PCDH15: variants seen among roughly 807,000 people sequenced by gnomAD.
PCDH15 encodes protocadherin-15.
In PCDH15, 129 loss-of-function variants were observed where a neutral mutation model predicts 178.5. The ratio of observed to expected loss-of-function variants is 0.72; its 90% CI spans 0.63 to 0.84. PCDH15 has a LOEUF of 0.84. Among genes scored for constraint, PCDH15 ranks in the 40% least tolerant of loss-of-function variants. PCDH15 has a pLI of 0.00. For missense variants in PCDH15, 2,230 were observed against 2,099.9 expected, an observed-to-expected ratio of 1.06 and a Z score of -1.21; for synonymous variants, 800 against 732.0, an observed-to-expected ratio of 1.09 and a Z score of -1.50.
intron 18 of PCDH15, among the ~76,000 whole-genome samples, chr10:54,056,024 A>C (rs976975584): frequency 5.3e-5 from 8 of 152,214 alleles, no homozygotes; most frequent in Admixed American, 1.3e-4. Context: ...ATTAGCATAA[A>C]TTATTCCCAG....
At chr10:55,283,896 G>A (rs757719756) in intron 1 of PCDH15, among the ~76,000 whole-genome samples, 3 of 151,788 alleles carry the variant, frequency 2.0e-5, no homozygotes, top group African/African-American at 7.3e-5. Flanking sequence ...AGTTGTTATA[G>A]CTGTCATCAT....
chr10:54,082,738 G>A (rs1031766260), intron 16 of PCDH15, among the ~76,000 whole-genome samples: 1 of 144,328 alleles, frequency 6.9e-6, no homozygotes, highest in Non-Finnish European at 1.5e-5. Flanking sequence ...GGAAAAAATA[G>A]ATATACTGAA....
intron 18 of PCDH15, among the ~76,000 whole-genome samples, chr10:54,039,818 T>C (rs1194685813): frequency 6.6e-6 from 1 of 152,008 alleles, no homozygotes; most frequent in African/African-American, 2.4e-5. Flanking sequence ...CTGGCATTTC[T>C]ACATCCCTCT....
intron 3 of PCDH15, among the ~76,000 whole-genome samples, chr10:54,466,804 T>C (rs1331841643): frequency 1.3e-5 from 2 of 152,024 alleles, no homozygotes; most frequent in African/African-American, 4.8e-5. Flanking sequence ...GCATGGAATC[T>C]TTCCATTTGT....
chr10:54,972,548 T>C (rs771781489), intron 2 of PCDH15, among the ~76,000 whole-genome samples: 2 of 144,570 alleles, frequency 1.4e-5, no homozygotes, highest in African/African-American at 2.6e-5. Flanking sequence ...CTCAAAAAGA[T>C]TAAAAAAAGA....
chr10:53,868,905 G>A lies in PCDH15; in HGVS notation c.3502-2048C>T, dbSNP rs145336052. On this transcript the variant is annotated intron_variant, in intron 26 of 37. Coordinates refer to ENST00000644397, the MANE Select transcript of PCDH15 (RefSeq NM_001384140.1). The stretch of plus-strand genomic sequence containing the variant: ...CATAAACTCGGCTCACTGAACCTTA[G>A]TCTCCCAGGTTCAAGCTAGCCTCAC... Among the ~76,000 whole-genome samples, 884 of 152,150 alleles carry A rather than the reference G, an allele frequency of 5.8e-3. 4 individuals are homozygous for A. Among genetic ancestry groups the A allele is most frequent in the South Asian group, 0.016 (77 of 4,822 alleles).
At chr10:55,292,245 A>C (rs989968799) in intron 1 of PCDH15, among the ~76,000 whole-genome samples, 1 of 152,236 alleles carries the variant, frequency 6.6e-6, no homozygotes, top group Non-Finnish European at 1.5e-5. Flanking sequence ...TCCTAGATAC[A>C]ATGAGGTAAC....
chr10:55,258,314 G>A (rs1251011369), intron 1 of PCDH15, among the ~76,000 whole-genome samples: 1 of 152,238 alleles, frequency 6.6e-6, no homozygotes, highest in South Asian at 2.1e-4. Flanking sequence ...ACTAGAACTA[G>A]GTAAGTATTA....
At chr10:54,567,956 T>C (rs2089282002) in intron 2 of PCDH15, among the ~76,000 whole-genome samples, 1 of 152,156 alleles carries the variant, frequency 6.6e-6, no homozygotes, top group African/African-American at 2.4e-5. Context: ...TTCAATCTTG[T>C]AAAAATTATT....
intron 2 of PCDH15, among the ~76,000 whole-genome samples, chr10:54,531,020 A>G (rs1315030354): frequency 6.6e-6 from 1 of 152,188 alleles, no homozygotes. Flanking sequence ...AGCCAACTAT[A>G]TATTATGTAT....
chr10:54,249,241 T>C (rs1318551824), intron 8 of PCDH15, among the ~76,000 whole-genome samples: 7 of 152,096 alleles, frequency 4.6e-5, no homozygotes, highest in African/African-American at 2.4e-5. Flanking sequence ...TATCATAACA[T>C]TGGTCTTCAT....
intron 1 of PCDH15, among the ~76,000 whole-genome samples, chr10:55,188,218 G>A (rs1158908023): frequency 6.6e-6 from 1 of 151,858 alleles, no homozygotes; most frequent in Non-Finnish European, 1.5e-5. Context: ...TTATGTTACA[G>A]ATAATTTATT....
chr10:55,608,651 G>A (rs1399561029), intron 2 of PCDH15, among the ~76,000 whole-genome samples: 1 of 151,942 alleles, frequency 6.6e-6, no homozygotes, highest in African/African-American at 2.4e-5. Flanking sequence ...TGCCAAGGAA[G>A]AAGACTTTAA....
chr10:54,620,640 C>T (rs1156929599), intron 2 of PCDH15, among the ~76,000 whole-genome samples: 2 of 152,056 alleles, frequency 1.3e-5, no homozygotes, highest in African/African-American at 4.8e-5. Flanking sequence ...ATAGATACCA[C>T]TGAGAAAGTT....
intron 10 of PCDH15, among the ~76,000 whole-genome samples, chr10:54,198,823 C>G (rs1465832009): frequency 1.3e-5 from 2 of 152,056 alleles, no homozygotes; most frequent in Non-Finnish European, 2.9e-5. Flanking sequence ...CATAAAAATG[C>G]TATGAAAAGT....
chr10:55,470,892 A>G (rs1393000124), intron 2 of PCDH15, among the ~76,000 whole-genome samples: 1 of 151,276 alleles, frequency 6.6e-6, no homozygotes, highest in African/African-American at 2.4e-5. Flanking sequence ...AGAATGTCAT[A>G]TGGAAGTTTG....
At chr10:54,293,861 C>A (rs1331361283) in intron 8 of PCDH15, among the ~76,000 whole-genome samples, 1 of 152,176 alleles carries the variant, frequency 6.6e-6, no homozygotes, top group Non-Finnish European at 1.5e-5. Context: ...CACTTTTACA[C>A]TGTTGGTGGG....
intron 3 of PCDH15, among the ~76,000 whole-genome samples, chr10:54,390,831 G>T (rs544000381): frequency 9.1e-4 from 139 of 152,222 alleles, no homozygotes; most frequent in African/African-American, 3.2e-3. Context: ...TAGCCAGAAA[G>T]TTCATGAAAT....
intron 2 of PCDH15, among the ~76,000 whole-genome samples, chr10:55,425,435 A>G (rs12253274): frequency 0.47 from 71,623 of 151,814 alleles, 17,720 homozygotes; most frequent in Middle Eastern, 0.53. Flanking sequence ...TCATAATTAG[A>G]GACTTTCTAA....
Sources: gnomAD v4.1 joint callset for allele counts (sites outside exome capture counted in the v4.1 genomes callset) on GRCh38, gnomAD v4.1.1 for gene constraint, MANE v1.5 for transcripts, NCBI Gene and HGNC (gene_info 2026-07-23, HGNC 2026-07-21) for gene names.